Variants in AASDH observed in about 807,000 individuals in gnomAD.
AASDH encodes aminoadipate-semialdehyde dehydrogenase, also known as beta-alanine-activating enzyme.
A neutral mutation model predicts 102.3 loss-of-function variants in AASDH; 81 were observed. That is an observed-to-expected ratio of 0.79 (90% CI 0.66 to 0.95). The LOEUF (loss-of-function observed/expected upper bound fraction) is 0.95, where lower values mean the gene tolerates loss of function less well. AASDH is among the 40% of genes least tolerant of loss of function. AASDH has a pLI of 0.00. For synonymous variants in AASDH, 398 were observed against 454.0 expected (o/e 0.88, Z 1.57); for missense variants, 1,203 against 1,266.2 (o/e 0.95, Z 0.76).
intron 5 of AASDH, among the ~76,000 whole-genome samples, chr4:56,363,543 G>A (rs2109936936): frequency 6.6e-6 from 1 of 152,306 alleles, no homozygotes; most frequent in African/African-American, 2.4e-5. Context: ...GAACGATCAG[G>A]CAGCAGCATT....
intron 5 of AASDH, among the ~76,000 whole-genome samples, chr4:56,357,389 C>T (rs1024713867): frequency 5.3e-5 from 8 of 152,100 alleles, no homozygotes. Flanking sequence ...GGTTCCCACC[C>T]TCATGACATA....
chr4:56,342,141 G>A (rs1224143501), intron 14 of AASDH, among the ~76,000 whole-genome samples: 1 of 149,632 alleles, frequency 6.7e-6, no homozygotes, highest in East Asian at 2.0e-4. Flanking sequence ...AAAAGAAGTT[G>A]GGGTGGGTTG....
At chr4:56,357,251 G>T (rs2109908928) in intron 5 of AASDH, among the ~76,000 whole-genome samples, 1 of 152,248 alleles carries the variant, frequency 6.6e-6, no homozygotes, top group Middle Eastern at 3.4e-3. Flanking sequence ...ATCAAGGTAT[G>T]GGCAGACTTA....
intron 7 of AASDH, 109 bp from the exon 8 acceptor site, chr4:56,354,320 T>C: frequency 1.4e-5 from 13 of 912,936 alleles, no homozygotes; most frequent in Non-Finnish European, 2.0e-5. Flanking sequence ...AATTTAAATA[T>C]TAAAAGATGG....
intron 11 of AASDH, among the ~76,000 whole-genome samples, chr4:56,347,224 A>C (rs1479247685): frequency 6.6e-6 from 1 of 152,218 alleles, no homozygotes; most frequent in African/African-American, 2.4e-5. Context: ...GTGGAAATGC[A>C]AAACACTTTA....
intron 4 of AASDH, among the ~76,000 whole-genome samples, chr4:56,376,936 G>A (rs1178245888): frequency 2.0e-5 from 3 of 149,388 alleles, no homozygotes; most frequent in East Asian, 1.9e-4. Flanking sequence ...GCGTAGTGGC[G>A]GGCGCCTGTA....
chr4:56,384,008 C>T, intron 2 of AASDH, 62 bp downstream of exon 2: 2 of 1,381,440 alleles, frequency 1.4e-6, no homozygotes, highest in Admixed American at 3.6e-5. Flanking sequence ...TTGCAATATA[C>T]TCTATTAAAA....
chr4:56,349,198 G>A, intron 11 of AASDH, 65 bp downstream of exon 11: 1 of 1,518,384 alleles, frequency 6.6e-7, no homozygotes, highest in Non-Finnish European at 9.0e-7. Context: ...ATTTAACTTG[G>A]GCCTATGAAG....
intron 3 of AASDH, among the ~76,000 whole-genome samples, chr4:56,381,096 C>T (rs1752899868): frequency 1.3e-5 from 2 of 152,164 alleles, no homozygotes; most frequent in South Asian, 4.1e-4. Context: ...TAAAGAATAC[C>T]TTGACATTGA....
In AASDH at chr4:56,378,329, CAT is replaced by C. The variant is rs760275690; in HGVS notation, c.485_486del (p.Tyr162Ter). 6.2e-7 allele frequency: 1 copy of C among 1,613,764 alleles called. No individual in the cohort carries two copies. Among genetic ancestry groups the C allele is most frequent in the African/African-American group, 1.3e-5 (1 of 74,870 alleles). Reference protein sequence around the residue: ...NLMLNDGKEKYEKEKIKSISS... With the variant: ...NLMLNDGKEKXEKEKIKSISS... ...CTTATGCTTTTTATTTTTTCTTTTT[CAT>C]ATTTCTCTTTTCCATCATTTAGCAT... is the stretch of plus-strand genomic sequence containing the variant. On this transcript the variant is annotated frameshift_variant, in exon 4 of 15. Coordinates refer to ENST00000205214, the MANE Select transcript of AASDH (RefSeq NM_181806.4). LOFTEE classifies it high-confidence loss of function.
intron 3 of AASDH, among the ~76,000 whole-genome samples, chr4:56,379,986 T>C (rs901981306): frequency 6.6e-6 from 1 of 152,190 alleles, no homozygotes; most frequent in Non-Finnish European, 1.5e-5. Flanking sequence ...CAGGATCCAA[T>C]TGAAGGTGGC....
intron 6 of AASDH, 80 bp downstream of exon 6, chr4:56,355,102 C>T (rs1749442495): frequency 1.4e-6 from 2 of 1,465,358 alleles, no homozygotes; most frequent in Admixed American, 4.3e-5. Context: ...TACCCCAGCA[C>T]CTATCAAAAA....
At chr4:56,349,039 C>G in intron 11 of AASDH, 1 of 543,224 alleles carries the variant, frequency 1.8e-6, no homozygotes, top group Non-Finnish European at 3.2e-6. Flanking sequence ...GGTTCAGTAA[C>G]TTGCCAAAGG....
intron 5 of AASDH, among the ~76,000 whole-genome samples, chr4:56,366,593 C>A (rs1751041574): frequency 6.6e-6 from 1 of 152,080 alleles, no homozygotes; most frequent in South Asian, 2.1e-4. Flanking sequence ...CATAATCCAG[C>A]ATATAAACAG....
At chr4:56,364,943 G>C (rs1282373834) in intron 5 of AASDH, among the ~76,000 whole-genome samples, 1 of 152,150 alleles carries the variant, frequency 6.6e-6, no homozygotes, top group Admixed American at 6.5e-5. Flanking sequence ...AAAGAGTCAA[G>C]ACCCATCAGT....
chr4:56,386,547 A>T (rs956791219), intron 1 of AASDH, among the ~76,000 whole-genome samples: 8 of 151,300 alleles, frequency 5.3e-5, no homozygotes, highest in Admixed American at 2.0e-4. Flanking sequence ...TAATCCCAGC[A>T]CTTTGGGAGG....
intron 5 of AASDH, among the ~76,000 whole-genome samples, chr4:56,363,779 G>C (rs1368782149): frequency 6.6e-6 from 1 of 152,132 alleles, no homozygotes; most frequent in Non-Finnish European, 1.5e-5. Context: ...GAAAAAAACA[G>C]AGCAGAAAAA....
intron 14 of AASDH, among the ~76,000 whole-genome samples, chr4:56,341,233 C>T (rs1247450192): frequency 6.6e-6 from 1 of 152,002 alleles, no homozygotes; most frequent in African/African-American, 2.4e-5. Flanking sequence ...GCACAATTCA[C>T]AAGAGCAAAG....
In AASDH at chr4:56,343,658, T is replaced by C; in HGVS notation, c.2679A>G (p.Lys893=). ...IYRKKCVWKS[K]CGGTVFSSPC... ...GAGAGGAAAAGACAGTTCCTCCACA[T>C]TTTGACTTCCAAACACACTTCTTTC... Residue 893 remains lysine, a synonymous_variant, in exon 13 of 15, where the codon AAA becomes AAG. Coordinates refer to ENST00000205214, the MANE Select transcript of AASDH (RefSeq NM_181806.4). 1 of 1,609,954 alleles carries C rather than the reference T, an allele frequency of 6.2e-7. No individual in the cohort carries two copies. Among genetic ancestry groups the C allele is most frequent in the South Asian group, 1.1e-5 (1 of 90,030 alleles).
Sources: gnomAD v4.1 joint callset for allele counts (sites outside exome capture counted in the v4.1 genomes callset) on GRCh38, gnomAD v4.1.1 for gene constraint, MANE v1.5 for transcripts, NCBI Gene and HGNC (gene_info 2026-07-23, HGNC 2026-07-21) for gene names.